RASSF2: variants seen among roughly 807,000 people sequenced by gnomAD.
RASSF2 encodes ras association domain-containing protein 2.
A neutral mutation model predicts 46.3 loss-of-function variants in RASSF2; 34 were observed. The observed-to-expected ratio is 0.73, with a 90% CI of 0.56 to 0.98. The LOEUF is 0.98. Ranked by LOEUF, RASSF2 falls within the 50% of genes least tolerant of loss-of-function variation. The probability of loss-of-function intolerance (pLI) is 0.00; values close to 1 mark genes in which losing one functional copy is unlikely to be tolerated. For synonymous variants in RASSF2, 158 were observed against 162.5 expected (o/e 0.97, Z 0.21); for missense variants, 364 against 431.2 (o/e 0.84, Z 1.38).
intron 10 of RASSF2, among the ~76,000 whole-genome samples, 161 bp downstream of exon 10, chr20:4,787,472 T>C (rs2122429178): frequency 6.6e-6 from 1 of 152,324 alleles, no homozygotes; most frequent in Non-Finnish European, 1.5e-5. Flanking sequence ...TTGGAGATGT[T>C]TGTTACTCTG....
rs769056777 is a variant in RASSF2 at position 4,782,606 on chromosome 20, G to A, written c.*1667C>T. The A allele has an allele frequency of 3.9e-5, 6 of 152,236 alleles. No homozygotes were observed. The highest frequency in any genetic ancestry group is 2.1e-4 in the South Asian group (1 of 4,826). 9.4% of individuals were successfully genotyped at this position (152,236 alleles called of 1,614,324 possible). A position where few individuals can be genotyped will look rare whatever the true frequency, so the allele number is the denominator to read the frequency against. On this transcript the variant is annotated 3_prime_UTR_variant, in exon 12 of 12. Coordinates refer to ENST00000379400, the MANE Select transcript of RASSF2 (RefSeq NM_014737.3). ...CGCATGCCATCTTTCTGCAGTCTACGTTAAGACCACAGCTGTGAGCCTTCT... is the reference window on the plus strand; with the variant it reads ...CGCATGCCATCTTTCTGCAGTCTACATTAAGACCACAGCTGTGAGCCTTCT...
In RASSF2 at chr20:4,780,617, T is replaced by C. The variant is rs1924712111; in HGVS notation, c.*3656A>G. On this transcript the variant is annotated 3_prime_UTR_variant, in exon 12 of 12. Coordinates refer to ENST00000379400, the MANE Select transcript of RASSF2 (RefSeq NM_014737.3). ...GGTGATCTCCTGTCTCCTATCTCAT[T>C]CTTCACGTCATGGTTTGGCCGCTGT... 1.3e-5 allele frequency: 2 copies of C among 152,262 alleles called. No individual in the cohort carries two copies. Among genetic ancestry groups the C allele is most frequent in the African/African-American group, 4.8e-5 (2 of 41,468 alleles). 9.4% of individuals were successfully genotyped at this position (152,262 alleles called of 1,614,324 possible). A position where few individuals can be genotyped will look rare whatever the true frequency, so the allele number is the denominator to read the frequency against.
At chr20:4,810,467 C>T (rs1233284166) in intron 2 of RASSF2, among the ~76,000 whole-genome samples, 1 of 152,198 alleles carries the variant, frequency 6.6e-6, no homozygotes, top group Non-Finnish European at 1.5e-5. Flanking sequence ...TTGCTTCCTC[C>T]AAACGCTCCA....
rs982307202 is a variant in RASSF2, at chr20:4,790,676, T to C, written c.377-65A>G. ...CTGGGACATGGCACATGGTCCCCAA[T>C]TTGTGGCCAGTGCGACAGCACCCAC... is the stretch of plus-strand genomic sequence containing the variant. On this transcript the variant is annotated intron_variant, in intron 6 of 11. Coordinates refer to ENST00000379400, the MANE Select transcript of RASSF2 (RefSeq NM_014737.3). The surrounding 1 kb of genome is among the most constrained non-coding windows in gnomAD (Gnocchi z 4.3). 2.8e-5 allele frequency: 39 copies of C among 1,396,412 alleles called. No homozygotes were observed. The African/African-American group carries it at 5.5e-4, about 20-fold the overall frequency. 86.5% of individuals were successfully genotyped at this position (1,396,412 alleles called of 1,614,324 possible).
chr20:4,784,738 G>C, intron 11 of RASSF2, among the ~76,000 whole-genome samples: 1 of 152,114 alleles, frequency 6.6e-6, no homozygotes, highest in East Asian at 1.9e-4. Context: ...ACCTAGGCTA[G>C]ATGATATAAA....
rs549105119 is a variant in RASSF2, at chr20:4,814,212, A to G, written c.-33+8117T>C. 2.6e-5 allele frequency among the ~76,000 whole-genome samples: 4 copies of G among 152,294 alleles called. No homozygotes were observed. The East Asian group carries it at 5.8e-4, about 22-fold the overall frequency. ...GGAGGGCCTGAGGCCTGTGTCCCCA[A>G]GTGCTCCCGATGGCCCATCTGAGGG... On this transcript the variant is annotated intron_variant, in intron 2 of 11. Coordinates refer to ENST00000379400, the MANE Select transcript of RASSF2 (RefSeq NM_014737.3).
intron 9 of RASSF2, 123 bp from the exon 10 acceptor site, chr20:4,787,877 A>C: frequency 8.0e-7 from 1 of 1,244,518 alleles, no homozygotes; most frequent in Non-Finnish European, 1.1e-6. Context: ...CTGATTTATA[A>C]GTGAACTATT....
At chr20:4,787,987 A>G (rs1185551057) in intron 9 of RASSF2, among the ~76,000 whole-genome samples, 6 of 152,116 alleles carry the variant, frequency 3.9e-5, no homozygotes, top group African/African-American at 1.4e-4. Flanking sequence ...TCTGTCTCTT[A>G]AGAAAATCTA....
chr20:4,790,575 G>A lies in RASSF2; in HGVS notation c.413C>T (p.Pro138Leu), dbSNP rs1235182322. The stretch of plus-strand genomic sequence containing the variant: ...ATCACTGCGTGTGCGCATCAGCTGT[G>A]GGGTGTCCTCCTGCAGGGGCTTCAG... ...RGLKPLQEDT[P>L]QLMRTRSDVG... Residue 138 changes from proline to leucine, a missense_variant, in exon 7 of 12, where the codon CCA becomes CTA. Transcript: ENST00000379400. The surrounding 1 kb of genome is among the most constrained non-coding windows in gnomAD (Gnocchi z 4.3). 1 of 1,533,388 alleles carries A rather than the reference G, an allele frequency of 6.5e-7. No individual in the cohort carries two copies. 95.0% of individuals were successfully genotyped at this position (1,533,388 alleles called of 1,614,324 possible).
rs759923378 is a variant in RASSF2, at chr20:4,786,257, ATCT to A, written c.882_884del (p.Glu294del). On this transcript the variant is annotated inframe_deletion, in exon 11 of 12. Coordinates refer to ENST00000379400, the MANE Select transcript of RASSF2 (RefSeq NM_014737.3). ...TGCGCATCAGCTTCTTTACTTCCCGATCTTCTTCCTCCTGGAGCTTCTGAATGA... is the reference window on the plus strand; with the variant it reads ...TGCGCATCAGCTTCTTTACTTCCCGATCTTCCTCCTGGAGCTTCTGAATGA... 6.2e-7 allele frequency: 1 copy of A among 1,613,072 alleles called. No individual in the cohort carries two copies. The highest frequency in any genetic ancestry group is 1.1e-5 in the South Asian group (1 of 91,064).
At chr20:4,799,978 G>A (rs999619977) in intron 3 of RASSF2, among the ~76,000 whole-genome samples, 1 of 152,208 alleles carries the variant, frequency 6.6e-6, no homozygotes, top group African/African-American at 2.4e-5. Context: ...TGGGTGTGGT[G>A]GCGCATGCCT....
chr20:4,823,462 T>C (rs1104901), intron 1 of RASSF2, 95 bp downstream of exon 1: 33,421 of 152,214 alleles, frequency 0.22, 4,364 homozygotes, highest in African/African-American at 0.35. Context: ...GGGCAGGCGG[T>C]GGCCGCGCGA....
At chr20:4,792,892 C>A in intron 5 of RASSF2, 1 of 541,012 alleles carries the variant, frequency 1.8e-6, no homozygotes, top group Non-Finnish European at 3.1e-6. Flanking sequence ...ACTGCAGTAA[C>A]ACACCCAACC....
intron 2 of RASSF2, among the ~76,000 whole-genome samples, chr20:4,804,300 A>C (rs1478614451): frequency 6.6e-6 from 1 of 151,230 alleles, no homozygotes; most frequent in Non-Finnish European, 1.5e-5. Flanking sequence ...ACCGGAGTAC[A>C]CATGTAACGC....
At chr20:4,787,820 A>C in intron 9 of RASSF2, 66 bp from the exon 10 acceptor site, 1 of 1,404,598 alleles carries the variant, frequency 7.1e-7, no homozygotes, top group Non-Finnish European at 9.5e-7. Flanking sequence ...TGGTTAATGC[A>C]GGGGTCCAAA....
At chr20:4,786,554 A>G (rs1407488085) in intron 10 of RASSF2, among the ~76,000 whole-genome samples, 1 of 152,156 alleles carries the variant, frequency 6.6e-6, no homozygotes, top group Non-Finnish European at 1.5e-5. Flanking sequence ...CTCATTTTTC[A>G]TGTCATGCAT....
intron 2 of RASSF2, among the ~76,000 whole-genome samples, chr20:4,810,247 C>T (rs1410226090): frequency 3.9e-5 from 6 of 152,200 alleles, no homozygotes; most frequent in Admixed American, 3.3e-4. Context: ...GGATCCTTTC[C>T]CTTCCTTCCC....
intron 3 of RASSF2, among the ~76,000 whole-genome samples, chr20:4,798,846 A>C (rs757214605): frequency 6.2e-5 from 6 of 97,102 alleles, no homozygotes; most frequent in Middle Eastern, 5.1e-3. Flanking sequence ...ACAAACAAAC[A>C]AAAAAAAAAA....
At chr20:4,798,798 C>T (rs953866050) in intron 3 of RASSF2, among the ~76,000 whole-genome samples, 1 of 150,202 alleles carries the variant, frequency 6.7e-6, no homozygotes, top group African/African-American at 2.5e-5. Context: ...TGCACTCCAG[C>T]CTGGGCAAAA....
Sources: gnomAD v4.1 joint callset for allele counts (sites outside exome capture counted in the v4.1 genomes callset) on GRCh38, gnomAD v4.1.1 for gene constraint, Gnocchi (gnomAD v3.1) non-coding constraint, MANE v1.5 for transcripts, NCBI Gene and HGNC (gene_info 2026-07-23, HGNC 2026-07-21) for gene names.